The following FOCAD variants were observed in gnomAD, a reference collection of about 807,000 sequenced individuals.
FOCAD encodes the protein KIAA1797.
A neutral mutation model predicts 225.6 loss-of-function variants in FOCAD; 198 were observed. That is an observed-to-expected ratio of 0.88 (90% CI 0.78 to 0.99). FOCAD has a LOEUF of 0.99. Ranked by LOEUF, FOCAD falls within the 50% of genes least tolerant of loss-of-function variation. The pLI is 0.00. For synonymous variants in FOCAD, 897 were observed against 755.0 expected (o/e 1.19, Z -3.08); for missense variants, 2,713 against 2,123.6 (o/e 1.28, Z -5.46).
At chr9:20,775,530 G>C (rs1818667001) in intron 8 of FOCAD, among the ~76,000 whole-genome samples, 2 of 152,246 alleles carry the variant, frequency 1.3e-5, no homozygotes, top group Admixed American at 1.3e-4. Context: ...GGGGAACAGA[G>C]TACGTAGCAA....
chr9:20,995,324 C>A (rs1430093562), intron 43 of FOCAD, among the ~76,000 whole-genome samples: 1 of 150,200 alleles, frequency 6.7e-6, no homozygotes, highest in Admixed American at 6.7e-5. Context: ...CATTTTAATT[C>A]TGCAGAATTT....
intron 6 of FOCAD, among the ~76,000 whole-genome samples, chr9:20,764,558 A>T (rs1183076533): frequency 6.6e-6 from 1 of 152,168 alleles, no homozygotes; most frequent in Non-Finnish European, 1.5e-5. Flanking sequence ...CCCAGCCCAG[A>T]TGATTCTTGT....
At chr9:20,915,229 G>A (rs1190101932) in intron 23 of FOCAD, among the ~76,000 whole-genome samples, 3 of 152,052 alleles carry the variant, frequency 2.0e-5, no homozygotes, top group Non-Finnish European at 4.4e-5. Context: ...GCATATTGAT[G>A]GCATTTAAAA....
chr9:20,717,771 C>T, intron 2 of FOCAD, 23 bp from the exon 3 acceptor site: 1 of 1,581,914 alleles, frequency 6.3e-7, no homozygotes, highest in Non-Finnish European at 8.7e-7. Context: ...GGACTGTGTT[C>T]ATTAATTTTA....
chr9:20,879,168 C>T (rs1830473223), intron 19 of FOCAD, among the ~76,000 whole-genome samples: 1 of 152,176 alleles, frequency 6.6e-6, no homozygotes, highest in Non-Finnish European at 1.5e-5. Context: ...CACAAGTTCA[C>T]CCCTTGTCAA....
intron 5 of FOCAD, among the ~76,000 whole-genome samples, chr9:20,741,676 C>CTTTTTTT (rs10675694): frequency 1.0e-4 from 9 of 87,162 alleles, no homozygotes; most frequent in African/African-American, 3.1e-4. Flanking sequence ...GGTAAATATG[C>CTTTTTTT]TTTTTTTTTT....
rs746130335 is a variant in FOCAD, at chr9:20,788,441, A to T, written c.1198-910A>T. On this transcript the variant is annotated intron_variant, in intron 10 of 43. Coordinates refer to ENST00000338382, the MANE Select transcript of FOCAD (RefSeq NM_001375567.1). ...AATCCAGTAAGTTATAAACTTTAAAAGGGTGCCTTTTATAGTATGCAAATT... is the reference window on the plus strand; with the variant it reads ...AATCCAGTAAGTTATAAACTTTAAATGGGTGCCTTTTATAGTATGCAAATT... Among the ~76,000 whole-genome samples the T allele has an allele frequency of 5.3e-5, 8 of 152,200 alleles. No individual in the cohort carries two copies. The East Asian group carries it at 5.8e-4, about 11-fold the overall frequency.
Position 20,988,365 on chromosome 9 carries a change from T to A in FOCAD, c.4940T>A (p.Leu1647Gln), listed in dbSNP as rs1841366102. 3.7e-6 allele frequency: 6 copies of A among 1,612,042 alleles called. No homozygotes were observed. The highest frequency in any genetic ancestry group is 5.1e-6 in the Non-Finnish European group (6 of 1,178,918). Residue 1647 changes from leucine to glutamine, a missense_variant, in exon 41 of 44, where the codon CTG becomes CAG. Leu to Gln is a moderately radical substitution (Grantham distance 113). Transcript: ENST00000338382. The stretch of plus-strand genomic sequence containing the variant: ...AAGAGAATGGAGTGGCTCTTGGAAC[T>A]GATGGGTTATATTAGAAATGTTGCT... Reference protein sequence around the residue: ...VLKRMEWLLELMGYIRNVAYQ... With the variant: ...VLKRMEWLLEQMGYIRNVAYQ...
intron 15 of FOCAD, among the ~76,000 whole-genome samples, chr9:20,824,817 A>C (rs1448880099): frequency 6.6e-6 from 1 of 152,118 alleles, no homozygotes; most frequent in African/African-American, 2.4e-5. Context: ...TATTAGAAAA[A>C]GAATGCTTAT....
chr9:20,893,957 G>A (rs1002632452), intron 21 of FOCAD, among the ~76,000 whole-genome samples: 1 of 152,116 alleles, frequency 6.6e-6, no homozygotes, highest in Non-Finnish European at 1.5e-5. Context: ...ATAGTGGCAT[G>A]CATATAATCA....
intron 4 of FOCAD, among the ~76,000 whole-genome samples, chr9:20,731,572 A>G (rs1350640660): frequency 2.0e-5 from 3 of 152,190 alleles, no homozygotes; most frequent in Non-Finnish European, 4.4e-5. Context: ...CAAGCAAGAT[A>G]GTACCTGAGC....
chr9:20,791,672 C>T (rs1312114131), intron 11 of FOCAD, among the ~76,000 whole-genome samples: 1 of 152,084 alleles, frequency 6.6e-6, no homozygotes, highest in Non-Finnish European at 1.5e-5. Context: ...CTCAGATTGG[C>T]CTTGCTTAGG....
chr9:20,995,550 C>T lies in FOCAD; in HGVS notation c.5333-6C>T, dbSNP rs1231424251. On this transcript the variant is annotated splice_polypyrimidine_tract_variant and splice_region_variant and intron_variant, in intron 43 of 43. Coordinates refer to ENST00000338382, the MANE Select transcript of FOCAD (RefSeq NM_001375567.1). The stretch of plus-strand genomic sequence containing the variant: ...ATGCAGCCATACCTATATTTTGTCC[C>T]CTTAGCCACCCTGCTGTCCTTGAGA... 1 of 1,611,612 alleles carries T rather than the reference C, an allele frequency of 6.2e-7. No homozygotes were observed.
intron 2 of FOCAD, among the ~76,000 whole-genome samples, chr9:20,661,733 A>C (rs925614465): frequency 6.6e-6 from 1 of 152,250 alleles, no homozygotes; most frequent in African/African-American, 2.4e-5. Context: ...AGCCCTATGG[A>C]AGTTAATTCA....
intron 1 of FOCAD, among the ~76,000 whole-genome samples, chr9:20,687,564 G>T (rs1239157565): frequency 1.3e-5 from 2 of 152,156 alleles, no homozygotes; most frequent in Non-Finnish European, 2.9e-5. Flanking sequence ...AACCAAACCT[G>T]ATTTTAGTAT....
intron 15 of FOCAD, among the ~76,000 whole-genome samples, chr9:20,845,220 C>G (rs1826956734): frequency 6.6e-6 from 1 of 151,836 alleles, no homozygotes; most frequent in Non-Finnish European, 1.5e-5. Context: ...ACATTTGATG[C>G]TCAAAAATCA....
intron 11 of FOCAD, among the ~76,000 whole-genome samples, chr9:20,797,029 C>T (rs555284588): frequency 4.6e-5 from 7 of 152,240 alleles, no homozygotes; most frequent in East Asian, 3.9e-4. Flanking sequence ...CAGCTTTCTC[C>T]GTATGGCTAG....
At chr9:20,797,382 C>T (rs1821236074) in intron 11 of FOCAD, among the ~76,000 whole-genome samples, 1 of 152,302 alleles carries the variant, frequency 6.6e-6, no homozygotes, top group South Asian at 2.1e-4. Flanking sequence ...ATGAGGATGG[C>T]ATTCAATCTA....
intron 10 of FOCAD, 151 bp from the exon 11 acceptor site, chr9:20,789,200 T>A: frequency 1.3e-6 from 1 of 797,876 alleles, no homozygotes; most frequent in Non-Finnish European, 2.0e-6. Flanking sequence ...ACCTCAAATA[T>A]GTGCAGAGAG....
Sources: gnomAD v4.1 joint callset for allele counts (sites outside exome capture counted in the v4.1 genomes callset) on GRCh38, gnomAD v4.1.1 for gene constraint, MANE v1.5 for transcripts, NCBI Gene and HGNC (gene_info 2026-07-23, HGNC 2026-07-21) for gene names.